KIF6: variants seen among roughly 807,000 people sequenced by gnomAD.
The protein encoded by KIF6 is kinesin family member 6.
In KIF6, 106 loss-of-function variants were observed where a neutral mutation model predicts 112.7. The ratio of observed to expected loss-of-function variants is 0.94; its 90% CI spans 0.80 to 1.11. The LOEUF (loss-of-function observed/expected upper bound fraction) is 1.11, where lower values mean the gene tolerates loss of function less well. Among genes scored for constraint, KIF6 ranks in the 50% least tolerant of loss-of-function variants. The probability of loss-of-function intolerance (pLI) is 0.00; values close to 1 mark genes in which losing one functional copy is unlikely to be tolerated. For synonymous variants in KIF6, 339 were observed against 339.9 expected, an observed-to-expected ratio of 1.00 and a Z score of 0.03; for missense variants, 929 against 964.0, an observed-to-expected ratio of 0.96 and a Z score of 0.48.
intron 3 of KIF6, among the ~76,000 whole-genome samples, chr6:39,699,892 G>T (rs1788774884): frequency 6.6e-6 from 1 of 151,994 alleles, no homozygotes; most frequent in South Asian, 2.1e-4. Flanking sequence ...TTTGATCATT[G>T]AAGTTTATAT....
chr6:39,689,739 G>A (rs1021336611), intron 3 of KIF6, among the ~76,000 whole-genome samples: 10 of 151,980 alleles, frequency 6.6e-5, no homozygotes, highest in Non-Finnish European at 1.3e-4. Context: ...CAAGTAACTG[G>A]ACCCACAGGC....
chr6:39,394,478 T>A (rs1424310752), intron 15 of KIF6, among the ~76,000 whole-genome samples: 1 of 152,170 alleles, frequency 6.6e-6, no homozygotes, highest in East Asian at 1.9e-4. Flanking sequence ...GGCAGAGCTG[T>A]GTTATTCACC....
chr6:39,372,625 A>G (rs1198090868), intron 16 of KIF6, among the ~76,000 whole-genome samples: 1 of 152,218 alleles, frequency 6.6e-6, no homozygotes, highest in Non-Finnish European at 1.5e-5. Context: ...AATGAGATAA[A>G]TAACACCCAT....
At chr6:39,669,665 C>A (rs534393437) in intron 3 of KIF6, among the ~76,000 whole-genome samples, 4 of 152,182 alleles carry the variant, frequency 2.6e-5, no homozygotes, top group Non-Finnish European at 5.9e-5. Context: ...GTACCTCAAA[C>A]AAGATGTTAA....
At chr6:39,479,007 G>C (rs1377958558) in intron 13 of KIF6, among the ~76,000 whole-genome samples, 1 of 151,800 alleles carries the variant, frequency 6.6e-6, no homozygotes, top group Non-Finnish European at 1.5e-5. Context: ...TTACTCCTTT[G>C]TTGGATGTAT....
chr6:39,394,199 T>G (rs9471088), intron 15 of KIF6, among the ~76,000 whole-genome samples: 34,653 of 151,986 alleles, frequency 0.23, 5,340 homozygotes, highest in African/African-American at 0.43. Flanking sequence ...TCAAACAAAA[T>G]AGAAAATGTA....
chr6:39,373,013 C>T (rs938180003), intron 16 of KIF6, among the ~76,000 whole-genome samples: 1 of 152,034 alleles, frequency 6.6e-6, no homozygotes, highest in Non-Finnish European at 1.5e-5. Flanking sequence ...TTTCTTGGTC[C>T]GAGATTTGCC....
chr6:39,553,424 C>G (rs1779506686), intron 10 of KIF6, among the ~76,000 whole-genome samples: 2 of 152,136 alleles, frequency 1.3e-5, no homozygotes, highest in South Asian at 4.1e-4. Flanking sequence ...TTTGAAATAG[C>G]AAATGCGAAA....
chr6:39,645,785 C>T (rs895794821), intron 3 of KIF6, among the ~76,000 whole-genome samples: 12 of 152,146 alleles, frequency 7.9e-5, no homozygotes, highest in Admixed American at 5.9e-4. Context: ...GAATACTATG[C>T]GGCCATAAAA....
Position 39,499,429 on chromosome 6 carries a change from C to A in KIF6, c.1645+40574G>T, listed in dbSNP as rs561186207. On this transcript the variant is annotated intron_variant, in intron 13 of 22. Coordinates refer to ENST00000287152, the MANE Select transcript of KIF6 (RefSeq NM_145027.6). The stretch of plus-strand genomic sequence containing the variant: ...AGATAAGAAAGAGCAAAATAGTTAG[C>A]CCAAGCCTGGGGAGGGGAGAAGCCT... Among the ~76,000 whole-genome samples the A allele has an allele frequency of 2.6e-5, 4 of 152,114 alleles. No individual in the cohort carries two copies. In the East Asian group the frequency reaches 7.7e-4, roughly 29 times the overall value.
At chr6:39,667,880 T>C (rs1489193555) in intron 3 of KIF6, among the ~76,000 whole-genome samples, 2 of 152,170 alleles carry the variant, frequency 1.3e-5, no homozygotes, top group Non-Finnish European at 2.9e-5. Flanking sequence ...GTAATGGAGA[T>C]AGAGCCTGGT....
chr6:39,604,391 G>A (rs1366636273), intron 6 of KIF6, among the ~76,000 whole-genome samples: 1 of 152,096 alleles, frequency 6.6e-6, no homozygotes, highest in African/African-American at 2.4e-5. Context: ...ACCAAACCTA[G>A]TGGTTTAGCA....
At position 39,346,290 on chromosome 6, in the gene KIF6, C is replaced by T. The variant is rs960084454; in HGVS notation, c.2231+186G>A. 5 of 693,494 alleles carry T rather than the reference C, an allele frequency of 7.2e-6. No individual in the cohort carries two copies. The African/African-American group carries it at 8.8e-5, about 12-fold the overall frequency. The allele number at this position is 693,494 out of a possible 1,614,324, so 43.0% of individuals were successfully genotyped here. On this transcript the variant is annotated intron_variant, in intron 20 of 22. Transcript: ENST00000287152. ...GTCCCTGAAAAGTCATGTGTTGAACCTAATCTCCAATGTAATGGTAGTAGA... is the reference window on the plus strand; with the variant it reads ...GTCCCTGAAAAGTCATGTGTTGAACTTAATCTCCAATGTAATGGTAGTAGA...
At position 39,407,297 on chromosome 6, in the gene KIF6, T is replaced by C. The variant is rs1027286561; in HGVS notation, c.1810+12651A>G. On this transcript the variant is annotated intron_variant, in intron 15 of 22. Coordinates refer to ENST00000287152, the MANE Select transcript of KIF6 (RefSeq NM_145027.6). ...TTCAAAAATAGACCTGGCTTTGCTT[T>C]AGATTACTGATGCAGGCACTTTATA... Among the ~76,000 whole-genome samples the C allele has an allele frequency of 4.6e-5, 7 of 152,340 alleles. No homozygotes were observed. The East Asian group carries it at 1.2e-3, about 25-fold the overall frequency.
intron 22 of KIF6, among the ~76,000 whole-genome samples, chr6:39,337,047 TTTTTC>T (rs1762962111): frequency 9.2e-6 from 1 of 108,716 alleles, no homozygotes. Context: ...CCTTCCTTCC[TTTTTC>T]TTTCTTTCTT....
chr6:39,342,920 C>G lies in KIF6; in HGVS notation c.2428+789G>C, dbSNP rs1562108424. 2 of 985,334 alleles carry G rather than the reference C, an allele frequency of 2.0e-6. No homozygotes were observed. Among genetic ancestry groups the G allele is most frequent in the Admixed American group, 1.2e-4 (2 of 16,268 alleles). 61.0% of individuals were successfully genotyped at this position (985,334 alleles called of 1,614,324 possible). ...AGGCATCAGTCATTATACATCGAAT[C>G]TGCCAGCCCATACCATCACGGTGGG... is the stretch of plus-strand genomic sequence containing the variant. On this transcript the variant is annotated intron_variant, in intron 22 of 22. Coordinates refer to ENST00000287152, the MANE Select transcript of KIF6 (RefSeq NM_145027.6). The surrounding 1 kb of genome is among the most constrained non-coding windows in gnomAD (Gnocchi z 4.7).
In KIF6 at chr6:39,349,631, C is replaced by CTTTT. The variant is rs58810898; in HGVS notation, c.2181-3109_2181-3106dup. Among the ~76,000 whole-genome samples, 93 of 64,558 alleles carry CTTTT rather than the reference C, an allele frequency of 1.4e-3. 7 individuals carry two copies. Among genetic ancestry groups the CTTTT allele is most frequent in the African/African-American group, 1.7e-3 (26 of 15,496 alleles). 42.4% of individuals were successfully genotyped at this position (64,558 alleles called of 152,430 possible). ...GAAGGTCTAGGTTTAATTTGTGGCTCTTTTTTTTTTTTTTTTTTTTTTTTT... is the reference window on the plus strand; with the variant it reads ...GAAGGTCTAGGTTTAATTTGTGGCTCTTTTTTTTTTTTTTTTTTTTTTTTTTTTT... On this transcript the variant is annotated intron_variant, in intron 19 of 22. Coordinates refer to ENST00000287152, the MANE Select transcript of KIF6 (RefSeq NM_145027.6).
chr6:39,548,034 T>A (rs528174517), intron 10 of KIF6, among the ~76,000 whole-genome samples: 1 of 152,220 alleles, frequency 6.6e-6, no homozygotes, highest in South Asian at 2.1e-4. Context: ...TTCTAGAATA[T>A]ACACTCGTTT....
chr6:39,377,665 G>A (rs1180498496), intron 16 of KIF6, among the ~76,000 whole-genome samples: 2 of 152,200 alleles, frequency 1.3e-5, no homozygotes, highest in African/African-American at 4.8e-5. Context: ...AATGCTGGTT[G>A]GGGGAAAAGA....
Sources: allele counts gnomAD v4.1 joint callset (sites outside exome capture counted in the v4.1 genomes callset), GRCh38; gene constraint gnomAD v4.1.1; non-coding constraint Gnocchi (gnomAD v3.1); transcripts MANE v1.5; gene names NCBI Gene and HGNC (gene_info 2026-07-23, HGNC 2026-07-21).